The following VPS8 variants were observed in gnomAD, a reference collection of about 807,000 sequenced individuals.
VPS8 encodes the protein VPS8 subunit of CORVET complex, also known as vacuolar protein sorting-associated protein 8 homolog.
A neutral mutation model predicts 216.4 loss-of-function variants in VPS8; 129 were observed. The observed-to-expected ratio is 0.60, with a 90% CI of 0.52 to 0.69. VPS8 has a LOEUF of 0.69. Among genes scored for constraint, VPS8 ranks in the 30% least tolerant of loss-of-function variants. VPS8 has a pLI of 0.00. For synonymous variants in VPS8, 571 were observed against 565.4 expected, an observed-to-expected ratio of 1.01 and a Z score of -0.14; for missense variants, 1,531 against 1,683.5, an observed-to-expected ratio of 0.91 and a Z score of 1.59.
At chr3:184,879,336 A>T (rs1474279551) in intron 21 of VPS8, among the ~76,000 whole-genome samples, 1 of 152,206 alleles carries the variant, frequency 6.6e-6, no homozygotes, top group Non-Finnish European at 1.5e-5. Context: ...TGAAGAAGAG[A>T]TTAGAGAAAT....
chr3:184,995,463 C>T (rs1051441401), intron 43 of VPS8, among the ~76,000 whole-genome samples: 1 of 151,898 alleles, frequency 6.6e-6, no homozygotes, highest in African/African-American at 2.4e-5. Context: ...AATTTTGGAA[C>T]TATGGAAGAG....
At chr3:185,020,526 A>C (rs1271824666) in intron 45 of VPS8, among the ~76,000 whole-genome samples, 1 of 150,272 alleles carries the variant, frequency 6.7e-6, no homozygotes, top group Non-Finnish European at 1.5e-5. Flanking sequence ...ACTGGAGTAC[A>C]GTGTTGTGAT....
At chr3:184,928,774 A>G (rs1740146729) in intron 32 of VPS8, among the ~76,000 whole-genome samples, 1 of 152,190 alleles carries the variant, frequency 6.6e-6, no homozygotes, top group Non-Finnish European at 1.5e-5. Context: ...ATAAAGTGAA[A>G]TAGTCTTATG....
chr3:184,826,779 A>G (rs1718880180), intron 3 of VPS8, among the ~76,000 whole-genome samples: 1 of 152,246 alleles, frequency 6.6e-6, no homozygotes, highest in African/African-American at 2.4e-5. Context: ...AATAAGCTTC[A>G]TCACTCTTCT....
chr3:184,935,347 C>T (rs1373925354), intron 34 of VPS8, among the ~76,000 whole-genome samples: 1 of 152,170 alleles, frequency 6.6e-6, no homozygotes, highest in African/African-American at 2.4e-5. Flanking sequence ...TACCTTCTCA[C>T]TCATCAGGAG....
intron 40 of VPS8, among the ~76,000 whole-genome samples, chr3:184,979,014 G>A (rs1166054014): frequency 6.6e-6 from 1 of 152,018 alleles, no homozygotes; most frequent in African/African-American, 2.4e-5. Flanking sequence ...GTTTTCATTG[G>A]TTTCAAAGAA....
chr3:185,029,954 T>C (rs935683709), intron 46 of VPS8, among the ~76,000 whole-genome samples: 2 of 152,248 alleles, frequency 1.3e-5, no homozygotes, highest in Admixed American at 6.5e-5. Flanking sequence ...ATAAAATTGG[T>C]ATGTATTTAC....
At chr3:185,013,308 G>A (rs1435534767) in intron 45 of VPS8, among the ~76,000 whole-genome samples, 1 of 152,168 alleles carries the variant, frequency 6.6e-6, no homozygotes, top group African/African-American at 2.4e-5. Context: ...TCTTTGTTTT[G>A]CAAAGTGATA....
chr3:184,985,159 A>C (rs2109782278), intron 42 of VPS8, among the ~76,000 whole-genome samples: 2 of 152,044 alleles, frequency 1.3e-5, no homozygotes, highest in East Asian at 3.9e-4. Flanking sequence ...CACAGATATC[A>C]TTTCATTTGA....
chr3:184,998,593 G>A (rs1752967629), intron 44 of VPS8, among the ~76,000 whole-genome samples: 1 of 150,250 alleles, frequency 6.7e-6, no homozygotes, highest in East Asian at 2.0e-4. Context: ...AAAGACTATA[G>A]AAAAGAAAAG....
intron 21 of VPS8, among the ~76,000 whole-genome samples, chr3:184,879,895 A>C (rs982254778): frequency 1.3e-5 from 2 of 152,192 alleles, no homozygotes; most frequent in Non-Finnish European, 2.9e-5. Flanking sequence ...CTGGGAAGCA[A>C]AGCTTAAAAT....
chr3:184,996,429 A>T lies in VPS8; in HGVS notation c.3764A>T (p.Gln1255Leu). 2 of 1,613,942 alleles carry T rather than the reference A, an allele frequency of 1.2e-6. No homozygotes were observed. The highest frequency in any genetic ancestry group is 1.7e-6 in the Non-Finnish European group (2 of 1,179,834). Reference protein sequence around the residue: ...ASVTRGLNPKQDYCSICLQQY... With the variant: ...ASVTRGLNPKLDYCSICLQQY... ...GTCACCAGAGGACTGAATCCCAAAC[A>T]AGATTACTGCTCTATATGTTTGCAG... Residue 1255 changes from glutamine to leucine, a missense_variant, in exon 44 of 48, where the codon CAA becomes CTA. Transcript: ENST00000625842.
intron 31 of VPS8, among the ~76,000 whole-genome samples, chr3:184,927,652 A>G (rs1482342541): frequency 2.0e-5 from 3 of 152,182 alleles, no homozygotes; most frequent in Non-Finnish European, 4.4e-5. Flanking sequence ...TTCACATTGT[A>G]CAATCCTCAT....
intron 45 of VPS8, among the ~76,000 whole-genome samples, chr3:185,004,983 A>G (rs201415843): frequency 0.02 from 1 of 50 alleles, no homozygotes; most frequent in Non-Finnish European, 0.042. Flanking sequence ...GCCAATGTCT[A>G]TACAAGGGTT....
At chr3:184,834,527 A>G in intron 4 of VPS8, 122 bp from the exon 5 acceptor site, 1 of 739,688 alleles carries the variant, frequency 1.4e-6, no homozygotes, top group Non-Finnish European at 2.1e-6. Context: ...AAACAGATCT[A>G]ACAAATTACA....
intron 21 of VPS8, among the ~76,000 whole-genome samples, chr3:184,877,837 T>C (rs1451788923): frequency 2.0e-5 from 3 of 152,178 alleles, no homozygotes; most frequent in Admixed American, 6.5e-5. Context: ...TATTGAAATA[T>C]ATGAAAAAGA....
intron 21 of VPS8, 156 bp from the exon 22 acceptor site, chr3:184,885,954 C>A: frequency 3.0e-6 from 2 of 660,682 alleles, no homozygotes; most frequent in Non-Finnish European, 5.1e-6. Context: ...TTCTGTTTTT[C>A]AGACTTTGAC....
intron 36 of VPS8, among the ~76,000 whole-genome samples, chr3:184,944,049 A>ACACG (rs1353631474): frequency 1.3e-5 from 2 of 152,156 alleles, no homozygotes; most frequent in East Asian, 3.8e-4. Context: ...TTGCACACAC[A>ACACG]CACACACACA....
chr3:185,048,926 C>G (rs533117149), intron 47 of VPS8, among the ~76,000 whole-genome samples: 1 of 152,290 alleles, frequency 6.6e-6, no homozygotes, highest in South Asian at 2.1e-4. Context: ...GGCATCTGCA[C>G]TGGTTGAATT....
Sources: allele counts gnomAD v4.1 joint callset (sites outside exome capture counted in the v4.1 genomes callset), GRCh38; gene constraint gnomAD v4.1.1; transcripts MANE v1.5; gene names NCBI Gene and HGNC (gene_info 2026-07-23, HGNC 2026-07-21).